FAP: variants seen among roughly 807,000 people sequenced by gnomAD.
FAP encodes prolyl endopeptidase FAP.
A neutral mutation model predicts 126.5 loss-of-function variants in FAP; 110 were observed. The ratio of observed to expected loss-of-function variants is 0.87; its 90% CI spans 0.74 to 1.02. The LOEUF (loss-of-function observed/expected upper bound fraction) is 1.02, where lower values mean the gene tolerates loss of function less well. Among genes scored for constraint, FAP ranks in the 50% least tolerant of loss-of-function variants. FAP has a pLI of 0.00. For missense variants in FAP, 919 were observed against 909.2 expected (o/e 1.01, Z -0.14); for synonymous variants, 334 against 297.3 (o/e 1.12, Z -1.27).
chr2:162,218,969 A>G lies in FAP; in HGVS notation c.607+94T>C, dbSNP rs937173789. On this transcript the variant is annotated intron_variant, in intron 8 of 25. Coordinates refer to ENST00000188790, the MANE Select transcript of FAP (RefSeq NM_004460.5). ...TTCAGCAATGCTACCCTTCATGGAA[A>G]TAAGATACTACTCATCTAAATCTTA... 3 of 1,003,966 alleles carry G rather than the reference A, an allele frequency of 3.0e-6. No homozygotes were observed. The Admixed American group carries it at 9.5e-5, about 32-fold the overall frequency. 62.2% of individuals were successfully genotyped at this position (1,003,966 alleles called of 1,614,324 possible).
chr2:162,219,911 C>T lies in FAP; in HGVS notation c.428G>A (p.Gly143Glu). 1 of 1,611,762 alleles carries T rather than the reference C, an allele frequency of 6.2e-7. No individual in the cohort carries two copies. The highest frequency in any genetic ancestry group is 8.5e-7 in the Non-Finnish European group (1 of 1,178,168). The change falls in exon 7 of 26, where the codon GGA becomes GAA. Residue 143 changes from glycine (G) to glutamate (E), a missense_variant. By Grantham distance (98) the Gly-to-Glu change is moderately conservative. Transcript: ENST00000188790. The part of the protein sequence containing the change: ...YDLSNGEFVR[G>E]NELPRPIQYL... ...CTGAATTGGACGAGGAAGCTCATTT[C>T]CTCTTACAAATTCTCTAGAAGGAAA...
At chr2:162,219,710 CA>C (rs1476279089) in intron 7 of FAP, 142 bp downstream of exon 7, 1 of 675,226 alleles carries the variant, frequency 1.5e-6, no homozygotes, top group African/African-American at 1.8e-5. Flanking sequence ...TTCAATTTAT[CA>C]AAACTCTTCC....
At chr2:162,231,183 T>C (rs1487141559) in intron 2 of FAP, among the ~76,000 whole-genome samples, 1 of 152,170 alleles carries the variant, frequency 6.6e-6, no homozygotes, top group Admixed American at 6.5e-5. Context: ...AGCACTGGGG[T>C]CATTATTTTC....
At chr2:162,213,826 A>G in intron 11 of FAP, 112 bp downstream of exon 11, 1 of 1,026,142 alleles carries the variant, frequency 9.7e-7, no homozygotes, top group South Asian at 2.6e-5. Flanking sequence ...AGCAGTTGGC[A>G]GTTGAATGCA....
At position 162,218,829 on chromosome 2, in the gene FAP, A is replaced by C. The variant is rs984147991; in HGVS notation, c.607+234T>G. On this transcript the variant is annotated intron_variant, in intron 8 of 25. Transcript: ENST00000188790. The stretch of plus-strand genomic sequence containing the variant: ...GGACCATATACTTTTTTGGATTATA[A>C]ATCATTACTACCACTTCATAGTGAT... 2.0e-5 allele frequency among the ~76,000 whole-genome samples: 3 copies of C among 152,038 alleles called. 1 individual carries two copies. The highest frequency in any genetic ancestry group is 4.1e-4 in the South Asian group (2 of 4,830).
chr2:162,198,784 C>A lies in FAP; in HGVS notation c.1375G>T (p.Ala459Ser). ...TAGCAGACAAGTGCATAGTACTTGG[C>A]GTAGTCGCTGAAACTTGCTGTGTAA... ...QYYTASFSDY[A>S]KYYALVCYGP... Residue 459 changes from alanine (A) to serine (S), a missense_variant, in exon 16 of 26, where the codon GCC becomes TCC. Physicochemically the swap from Ala to Ser is moderately conservative, Grantham distance 99 (BLOSUM62 1). Coordinates refer to ENST00000188790, the MANE Select transcript of FAP (RefSeq NM_004460.5). 1.2e-6 allele frequency: 2 copies of A among 1,614,032 alleles called. No individual in the cohort carries two copies. The highest frequency in any genetic ancestry group is 4.5e-5 in the East Asian group (2 of 44,872).
chr2:162,226,628 G>T lies in FAP; in HGVS notation c.92-7C>A. 1 of 1,480,750 alleles carries T rather than the reference G, an allele frequency of 6.8e-7. No homozygotes were observed. The highest frequency in any genetic ancestry group is 9.3e-7 in the Non-Finnish European group (1 of 1,070,654). The allele number at this position is 1,480,750 out of a possible 1,614,324, so 91.7% of individuals were successfully genotyped here. A position where few individuals can be genotyped will look rare whatever the true frequency, so the allele number is the denominator to read the frequency against. On this transcript the variant is annotated splice_region_variant and splice_polypyrimidine_tract_variant and intron_variant, in intron 2 of 25. Coordinates refer to ENST00000188790, the MANE Select transcript of FAP (RefSeq NM_004460.5). ...TTTTCTTCAGAGTTATGAACTTTGG[G>T]GGAAGAGCAAATACATCCTTATTAA...
chr2:162,194,805 C>G, intron 16 of FAP, 57 bp from the exon 17 acceptor site: 1 of 1,470,992 alleles, frequency 6.8e-7, no homozygotes, highest in South Asian at 1.1e-5. Context: ...AATTCCTTTT[C>G]AAGACGGGCT....
chr2:162,224,514 G>A lies in FAP; in HGVS notation c.312C>T (p.Gly104=). 5 of 1,599,214 alleles carry A rather than the reference G, an allele frequency of 3.1e-6. No homozygotes were observed. Among genetic ancestry groups the A allele is most frequent in the Non-Finnish European group, 4.3e-6 (5 of 1,174,400 alleles). Residue 104 remains glycine (G), a synonymous_variant, in exon 5 of 26, where the codon GGC becomes GGT. Coordinates refer to ENST00000188790, the MANE Select transcript of FAP (RefSeq NM_004460.5). The part of the protein sequence containing the change: ...TMKSVNASNY[G]LSPDRQFVYL... ...ATACAAATTGCCGATCAGGTGATAAGCCGTAATTTGAAGCATTCACACTTT... is the reference window on the plus strand; with the variant it reads ...ATACAAATTGCCGATCAGGTGATAAACCGTAATTTGAAGCATTCACACTTT...
At chr2:162,236,619 G>T (rs1559797755) in intron 2 of FAP, among the ~76,000 whole-genome samples, 1 of 151,776 alleles carries the variant, frequency 6.6e-6, no homozygotes, top group Admixed American at 6.6e-5. Flanking sequence ...GTTTTTGGTG[G>T]GGGGGCAGGG....
At chr2:162,172,234 T>C (rs933515642) in intron 25 of FAP, 21 of 152,210 alleles carry the variant, frequency 1.4e-4, no homozygotes, top group African/African-American at 5.1e-4. Context: ...TTATTTTCTT[T>C]TCTGGTTCAA....
At chr2:162,228,947 A>T (rs1390154257) in intron 2 of FAP, among the ~76,000 whole-genome samples, 2 of 152,174 alleles carry the variant, frequency 1.3e-5, no homozygotes, top group African/African-American at 4.8e-5. Context: ...TGCCTACACA[A>T]TCCTGAATAT....
intron 21 of FAP, among the ~76,000 whole-genome samples, chr2:162,178,388 ATTCT>A (rs1292120915): frequency 6.6e-6 from 1 of 152,184 alleles, no homozygotes; most frequent in African/African-American, 2.4e-5. Context: ...GGGATGGATA[ATTCT>A]TTGTTATAGG....
chr2:162,205,963 T>C (rs1219769555), intron 12 of FAP, among the ~76,000 whole-genome samples: 1 of 152,196 alleles, frequency 6.6e-6, no homozygotes, highest in East Asian at 1.9e-4. Context: ...TAAGGGACTT[T>C]TTAAAGGGCT....
chr2:162,223,498 A>T (rs1485722193), intron 6 of FAP, 110 bp downstream of exon 6: 1 of 732,536 alleles, frequency 1.4e-6, no homozygotes, highest in African/African-American at 1.8e-5. Flanking sequence ...AAAAAGTAAG[A>T]AACAAAGATC....
Position 162,172,882 on chromosome 2 carries a change from T to G in FAP, c.2110A>C (p.Asn704His), listed in dbSNP as rs1433509998. 1 of 1,610,754 alleles carries G rather than the reference T, an allele frequency of 6.2e-7. No individual in the cohort carries two copies. Among genetic ancestry groups the G allele is most frequent in the East Asian group, 2.2e-5 (1 of 44,850 alleles). Residue 704 changes from asparagine to histidine, a missense_variant and splice_region_variant, in exon 25 of 26, where the codon AAT becomes CAT. Asn to His is a moderately conservative substitution (Grantham distance 68). Transcript: ENST00000188790. ...YLLIHGTADD[N>H]VHFQNSAQIA... Reference sequence around the variant, plus strand: ...TGTGCTGAGTTTTGAAAGTGCACATTATCTGCAACAAAGAGAGAGAGAGTT... The same window carrying G: ...TGTGCTGAGTTTTGAAAGTGCACATGATCTGCAACAAAGAGAGAGAGAGTT...
chr2:162,202,986 T>C (rs1576163023), intron 13 of FAP, 44 bp from the exon 14 acceptor site: 1 of 1,600,160 alleles, frequency 6.2e-7, no homozygotes, highest in East Asian at 2.2e-5. Context: ...TGAGCGTTAT[T>C]TGAGCAACCT....
chr2:162,203,350 C>T (rs774183514), intron 12 of FAP, among the ~76,000 whole-genome samples: 3 of 152,094 alleles, frequency 2.0e-5, no homozygotes, highest in Admixed American at 6.6e-5. Context: ...TTGAACATTC[C>T]GACCACTGCT....
intron 16 of FAP, 44 bp downstream of exon 16, chr2:162,198,713 C>T: frequency 6.2e-7 from 1 of 1,608,640 alleles, no homozygotes; most frequent in East Asian, 2.2e-5. Flanking sequence ...GGATGACAAC[C>T]ATGCCTGTGG....
Sources: gnomAD v4.1 joint callset for allele counts (sites outside exome capture counted in the v4.1 genomes callset) on GRCh38, gnomAD v4.1.1 for gene constraint, MANE v1.5 for transcripts, NCBI Gene and HGNC (gene_info 2026-07-23, HGNC 2026-07-21) for gene names.